Variants in MLIP observed in about 807,000 individuals in gnomAD.
The protein encoded by MLIP is muscular LMNA interacting protein.
MLIP carries 79 observed loss-of-function variants against 84.8 expected under a neutral mutation model. That is an observed-to-expected ratio of 0.93 (90% CI 0.78 to 1.12). MLIP has a LOEUF of 1.12. Among genes scored for constraint, MLIP ranks in the 50% most tolerant of loss-of-function variants. MLIP has a pLI of 0.00. For synonymous variants in MLIP, 504 were observed against 463.0 expected, an observed-to-expected ratio of 1.09 and a Z score of -1.14; for missense variants, 1,257 against 1,160.6, an observed-to-expected ratio of 1.08 and a Z score of -1.21.
chr6:54,113,990 C>T (rs1472572588), intron 1 of MLIP, among the ~76,000 whole-genome samples: 11 of 152,228 alleles, frequency 7.2e-5, no homozygotes, highest in Admixed American at 7.2e-4. Flanking sequence ...CAAATTGCCT[C>T]ACTGTTCCTG....
At position 54,124,791 on chromosome 6, in the gene MLIP, C is replaced by T; in HGVS notation, c.571C>T (p.Gln191Ter). 6.2e-7 allele frequency: 1 copy of T among 1,614,036 alleles called. No homozygotes were observed. The change falls in exon 3 of 14, where the codon CAG becomes TAG. Residue 191 changes from glutamine (Q) to a stop codon, truncating the protein, a stop_gained. Coordinates refer to ENST00000502396, the MANE Select transcript of MLIP (RefSeq NM_001281747.2). LOFTEE classifies it high-confidence loss of function. ...LVSDVVRPKT[Q>*]GTDLKTSSHP... ...CTCTGATGTAGTGCGTCCCAAAACA[C>T]AGGGGACTGATCTCAAGACCTCATC...
intron 1 of MLIP, among the ~76,000 whole-genome samples, chr6:54,084,869 G>A (rs780078946): frequency 4.0e-4 from 61 of 152,148 alleles, no homozygotes; most frequent in Non-Finnish European, 2.9e-4. Context: ...AATCTTCTTC[G>A]CTTCATTTAC....
chr6:54,237,609 G>A (rs1781452034), intron 12 of MLIP, among the ~76,000 whole-genome samples: 1 of 150,782 alleles, frequency 6.6e-6, no homozygotes, highest in African/African-American at 2.4e-5. Flanking sequence ...ACTTTGAGAA[G>A]CCAAGGTGGG....
intron 1 of MLIP, chr6:54,045,853 C>A (rs1412624447): frequency 1.3e-5 from 2 of 152,198 alleles, no homozygotes; most frequent in Non-Finnish European, 2.9e-5. Flanking sequence ...AATTAAACAT[C>A]TTTTCTTTAT....
Position 54,124,700 on chromosome 6 carries a change from C to G in MLIP, c.480C>G (p.Gly160=), listed in dbSNP as rs148148867. 1.9e-6 allele frequency: 3 copies of G among 1,614,134 alleles called. No individual in the cohort carries two copies. The highest frequency in any genetic ancestry group is 2.2e-5 in the East Asian group (1 of 44,864). ...CTGCAAGCAGAAAAGTTGAACAAGG[C>G]CCCCCAGGGGGGATTGGCACCGCAG... ...DEAASRKVEQ[G]PPGGIGTAAV... The change falls in exon 3 of 14, where the codon GGC becomes GGG. Residue 160 remains glycine (G), a synonymous_variant. Coordinates refer to ENST00000502396, the MANE Select transcript of MLIP (RefSeq NM_001281747.2).
intron 1 of MLIP, among the ~76,000 whole-genome samples, chr6:54,071,136 GGAGGA>G (rs1297558421): frequency 6.6e-6 from 1 of 151,954 alleles, no homozygotes; most frequent in Non-Finnish European, 1.5e-5. Context: ...AAGATCTTCA[GGAGGA>G]GAGAAATGGT....
intron 1 of MLIP, chr6:54,045,470 C>A (rs1477309435): frequency 6.6e-6 from 1 of 152,086 alleles, no homozygotes; most frequent in Non-Finnish European, 1.5e-5. Context: ...TGTGAGTCGT[C>A]GTGACTTTTA....
chr6:54,170,017 T>C (rs1775612836), intron 9 of MLIP, among the ~76,000 whole-genome samples: 1 of 151,744 alleles, frequency 6.6e-6, no homozygotes, highest in Non-Finnish European at 1.5e-5. Context: ...TAAACCAATT[T>C]CCACTTATGA....
At chr6:54,222,941 T>C (rs950953041) in intron 11 of MLIP, among the ~76,000 whole-genome samples, 1 of 152,074 alleles carries the variant, frequency 6.6e-6, no homozygotes, top group African/African-American at 2.4e-5. Flanking sequence ...GTGGTTTTGA[T>C]TTGCATTTCC....
chr6:54,026,001 T>TA (rs1223510830), intron 1 of MLIP, among the ~76,000 whole-genome samples: 5 of 152,204 alleles, frequency 3.3e-5, no homozygotes, highest in Non-Finnish European at 5.9e-5. Context: ...ATTATTTTCA[T>TA]AAAACAGATG....
At chr6:54,019,181 C>T (rs542213634) in intron 1 of MLIP, 73 of 1,352,748 alleles carry the variant, frequency 5.4e-5, no homozygotes, top group African/African-American at 1.0e-4. Flanking sequence ...TTGTGCTAGC[C>T]GGCCTCTGTT....
At chr6:54,248,469 G>A (rs936154212) in intron 12 of MLIP, among the ~76,000 whole-genome samples, 2 of 152,086 alleles carry the variant, frequency 1.3e-5, no homozygotes, top group African/African-American at 4.8e-5. Context: ...AAAGTGAATG[G>A]TGTAGTTAAT....
In MLIP at chr6:54,048,034, C is replaced by T. The variant is rs559446647; in HGVS notation, c.63+28943C>T. ...AGAGGGGGAGCAGTGCATAGGACCCCTCTTTGAGGAAGCTTAGCCCTGTAG... is the reference window on the plus strand; with the variant it reads ...AGAGGGGGAGCAGTGCATAGGACCCTTCTTTGAGGAAGCTTAGCCCTGTAG... On this transcript the variant is annotated intron_variant, in intron 1 of 12. Transcript: ENST00000274897. Among the ~76,000 whole-genome samples, 12 of 152,260 alleles carry T rather than the reference C, an allele frequency of 7.9e-5. No homozygotes were observed. The South Asian group carries it at 2.5e-3, about 32-fold the overall frequency.
At chr6:54,048,401 T>G (rs1765189911) in intron 1 of MLIP, among the ~76,000 whole-genome samples, 1 of 150,774 alleles carries the variant, frequency 6.6e-6, no homozygotes, top group Admixed American at 6.6e-5. Context: ...TTGGGGAGAA[T>G]GTGCATTTTG....
At chr6:54,113,509 A>G (rs1769653337) in intron 1 of MLIP, among the ~76,000 whole-genome samples, 1 of 152,164 alleles carries the variant, frequency 6.6e-6, no homozygotes, top group African/African-American at 2.4e-5. Context: ...CTTTTTGATG[A>G]TAAGGTATTT....
At chr6:54,075,247 C>CAA (rs35589839) in intron 1 of MLIP, among the ~76,000 whole-genome samples, 8,356 of 93,106 alleles carry the variant, frequency 0.09, 456 homozygotes, top group Non-Finnish European at 0.12. Context: ...AACTCCGTCT[C>CAA]AAAAAAAAAA....
chr6:54,225,182 C>T (rs1780493327), intron 11 of MLIP, among the ~76,000 whole-genome samples: 1 of 152,150 alleles, frequency 6.6e-6, no homozygotes, highest in African/African-American at 2.4e-5. Context: ...TCCATAGCAA[C>T]TGTACTAGTT....
intron 3 of MLIP, among the ~76,000 whole-genome samples, chr6:54,136,234 T>TA (rs570851696): frequency 3.6e-3 from 553 of 152,352 alleles, no homozygotes; most frequent in Non-Finnish European, 6.2e-3. Context: ...AGGAGTTAAG[T>TA]AGTAGAAACT....
intron 5 of MLIP, among the ~76,000 whole-genome samples, chr6:54,152,404 T>C (rs148397553): frequency 4.6e-5 from 7 of 152,282 alleles, no homozygotes; most frequent in Non-Finnish European, 8.8e-5. Context: ...AGAGGTTTAA[T>C]TGGACTTACA....
Sources: allele counts gnomAD v4.1 joint callset (sites outside exome capture counted in the v4.1 genomes callset), GRCh38; gene constraint gnomAD v4.1.1; transcripts MANE v1.5; gene names NCBI Gene and HGNC (gene_info 2026-07-23, HGNC 2026-07-21).